SDC2: variants seen among roughly 807,000 people sequenced by gnomAD.
SDC2 encodes syndecan 2, also known as syndecan-2.
In SDC2, 13 loss-of-function variants were observed where a neutral mutation model predicts 22.2. The observed-to-expected ratio is 0.59, with a 90% confidence interval of 0.38 to 0.93. The LOEUF (loss-of-function observed/expected upper bound fraction) is 0.93, where lower values mean the gene tolerates loss of function less well. Among genes scored for constraint, SDC2 ranks in the 40% least tolerant of loss-of-function variants. The pLI is 0.00. For missense variants in SDC2, 235 were observed against 246.8 expected (o/e 0.95, Z 0.32); for synonymous variants, 94 against 92.8 (o/e 1.01, Z -0.07).
intron 1 of SDC2, among the ~76,000 whole-genome samples, chr8:96,514,107 G>A (rs1476565516): frequency 1.3e-5 from 2 of 152,226 alleles, no homozygotes; most frequent in Non-Finnish European, 1.5e-5. Flanking sequence ...CCAACTTGCT[G>A]TTAAACTGAT....
intron 1 of SDC2, among the ~76,000 whole-genome samples, chr8:96,590,091 G>A (rs774059559): frequency 6.6e-6 from 1 of 152,164 alleles, no homozygotes; most frequent in African/African-American, 2.4e-5. Flanking sequence ...TCTGTCTGCC[G>A]CACATTTTCC....
At chr8:96,574,017 C>CCTGCCCT (rs1179317414) in intron 1 of SDC2, among the ~76,000 whole-genome samples, 12 of 151,476 alleles carry the variant, frequency 7.9e-5, no homozygotes, top group African/African-American at 2.9e-4. Context: ...CTATTCTCCC[C>CCTGCCCT]CTGCCCTCTG....
At chr8:96,551,152 C>T (rs1022776351) in intron 1 of SDC2, among the ~76,000 whole-genome samples, 1 of 152,164 alleles carries the variant, frequency 6.6e-6, no homozygotes, top group African/African-American at 2.4e-5. Context: ...ATTTCTTTGA[C>T]CCACACCTAG....
chr8:96,524,332 G>A (rs997489004), intron 1 of SDC2, among the ~76,000 whole-genome samples: 59 of 152,158 alleles, frequency 3.9e-4, no homozygotes, highest in African/African-American at 1.3e-3. Context: ...CTGACCTTTC[G>A]TTTGGGGGAG....
At chr8:96,599,221 G>A (rs1490538540) in intron 2 of SDC2, among the ~76,000 whole-genome samples, 7 of 152,216 alleles carry the variant, frequency 4.6e-5, no homozygotes, top group Middle Eastern at 3.4e-3. Context: ...GATTGCAGGC[G>A]CGAGCTACTG....
At chr8:96,541,074 TAAAC>T (rs1465875035) in intron 1 of SDC2, among the ~76,000 whole-genome samples, 8 of 152,162 alleles carry the variant, frequency 5.3e-5, no homozygotes, top group Admixed American at 1.3e-4. Flanking sequence ...GTATTATAGA[TAAAC>T]AAAAATATTT....
intron 1 of SDC2, among the ~76,000 whole-genome samples, chr8:96,576,682 G>A (rs1814510237): frequency 6.6e-6 from 1 of 150,656 alleles, no homozygotes; most frequent in African/African-American, 2.4e-5. Context: ...GCCTCCCAAA[G>A]TGTTGGGATT....
At chr8:96,562,387 C>G (rs1172045595) in intron 1 of SDC2, among the ~76,000 whole-genome samples, 1 of 152,186 alleles carries the variant, frequency 6.6e-6, no homozygotes, top group Non-Finnish European at 1.5e-5. Context: ...CTGGGGCTGC[C>G]TCCCCTGCTT....
intron 1 of SDC2, among the ~76,000 whole-genome samples, chr8:96,521,908 G>C (rs1341168267): frequency 2.6e-5 from 4 of 152,180 alleles, no homozygotes; most frequent in Non-Finnish European, 5.9e-5. Flanking sequence ...GAGTAACCAA[G>C]AGAAAAATCA....
At position 96,506,966 on chromosome 8, in the gene SDC2, G is replaced by A. The variant is rs1328895583; in HGVS notation, c.60+12635G>A. ...GGAGATTGCGGTGAGCCGAGATCAC[G>A]CCACCGCACTCCAGCCTGGGCAACA... On this transcript the variant is annotated intron_variant, in intron 1 of 4. Transcript: ENST00000302190. Among the ~76,000 whole-genome samples, 83 of 143,782 alleles carry A rather than the reference G, an allele frequency of 5.8e-4. 1 individual carries two copies. Among genetic ancestry groups the A allele is most frequent in the Admixed American group, 5.7e-3 (81 of 14,110 alleles). 94.3% of individuals were successfully genotyped at this position (143,782 alleles called of 152,430 possible).
chr8:96,590,795 A>G (rs771055327), intron 1 of SDC2, among the ~76,000 whole-genome samples: 5 of 152,094 alleles, frequency 3.3e-5, no homozygotes, highest in Non-Finnish European at 7.4e-5. Flanking sequence ...GAGAACTTTG[A>G]TTTCAAAATT....
At chr8:96,531,083 TC>T (rs1813653862) in intron 1 of SDC2, among the ~76,000 whole-genome samples, 2 of 152,324 alleles carry the variant, frequency 1.3e-5, no homozygotes, top group South Asian at 4.1e-4. Flanking sequence ...GGCGCAGCTG[TC>T]CTGGGGCATT....
At chr8:96,539,855 A>T (rs191762103) in intron 1 of SDC2, among the ~76,000 whole-genome samples, 33 of 152,268 alleles carry the variant, frequency 2.2e-4, no homozygotes, top group African/African-American at 7.0e-4. Context: ...AGCAAGGTAT[A>T]ATTTAACCCT....
chr8:96,502,040 A>G (rs1203798080), intron 1 of SDC2, among the ~76,000 whole-genome samples: 2 of 152,126 alleles, frequency 1.3e-5, no homozygotes, highest in African/African-American at 4.8e-5. Flanking sequence ...GTCTATTTGT[A>G]TTAGTCTGTT....
chr8:96,517,382 G>A (rs1813417493), intron 1 of SDC2, among the ~76,000 whole-genome samples: 1 of 151,996 alleles, frequency 6.6e-6, no homozygotes, highest in African/African-American at 2.4e-5. Flanking sequence ...TATGTTTTTG[G>A]TATCATATAT....
chr8:96,547,962 A>G (rs536210183), intron 1 of SDC2, among the ~76,000 whole-genome samples: 10 of 151,228 alleles, frequency 6.6e-5, no homozygotes, highest in Admixed American at 2.0e-4. Flanking sequence ...TGGTTTTGCT[A>G]TGTTGCCCAG....
At chr8:96,579,441 A>G (rs1195816135) in intron 1 of SDC2, among the ~76,000 whole-genome samples, 1 of 152,238 alleles carries the variant, frequency 6.6e-6, no homozygotes, top group Non-Finnish European at 1.5e-5. Context: ...GGCAAACTTG[A>G]CAGAATAATA....
intron 1 of SDC2, among the ~76,000 whole-genome samples, chr8:96,578,871 AGGG>A (rs1814545898): frequency 2.0e-5 from 3 of 152,216 alleles, no homozygotes; most frequent in African/African-American, 4.8e-5. Flanking sequence ...GGGTGTGGAA[AGGG>A]AATTAAACTT....
At chr8:96,561,459 A>G (rs944569657) in intron 1 of SDC2, among the ~76,000 whole-genome samples, 14 of 152,196 alleles carry the variant, frequency 9.2e-5, no homozygotes, top group African/African-American at 3.4e-4. Flanking sequence ...GCTTGTATAA[A>G]CAAGCATTGG....
Sources: allele counts gnomAD v4.1 joint callset (sites outside exome capture counted in the v4.1 genomes callset), GRCh38; gene constraint gnomAD v4.1.1; transcripts MANE v1.5; gene names NCBI Gene and HGNC (gene_info 2026-07-23, HGNC 2026-07-21).